The following SYT17 variants were observed in gnomAD, a reference collection of about 807,000 sequenced individuals.
SYT17 encodes synaptotagmin 17.
Under a neutral mutation model 46.7 loss-of-function variants are expected in SYT17, and 22 were observed. That is an observed-to-expected ratio of 0.47 (90% CI 0.34 to 0.67). The LOEUF (loss-of-function observed/expected upper bound fraction) is 0.67, where lower values mean the gene tolerates loss of function less well. SYT17 is among the 30% of genes least tolerant of loss of function. The pLI, the probability that SYT17 is intolerant of heterozygous loss-of-function variation, is 0.01. For synonymous variants in SYT17, 251 were observed against 248.4 expected (o/e 1.01, Z -0.10); for missense variants, 519 against 612.8 (o/e 0.85, Z 1.62).
chr16:19,224,369 A>G (rs1966426394), intron 6 of SYT17, among the ~76,000 whole-genome samples: 1 of 152,178 alleles, frequency 6.6e-6, no homozygotes, highest in Non-Finnish European at 1.5e-5. Context: ...GATGAATGGG[A>G]AAATGGATGG....
At chr16:19,258,809 C>A (rs764467157) in intron 7 of SYT17, among the ~76,000 whole-genome samples, 1 of 152,050 alleles carries the variant, frequency 6.6e-6, no homozygotes, top group African/African-American at 2.4e-5. Context: ...GGTGAGAAAC[C>A]CTGCTCTGGA....
chr16:19,214,607 C>T (rs777176825), intron 5 of SYT17, among the ~76,000 whole-genome samples: 1 of 152,084 alleles, frequency 6.6e-6, no homozygotes, highest in African/African-American at 2.4e-5. Context: ...ATTGTTAGAG[C>T]CGACATTTAT....
At chr16:19,256,437 AACACACACACACACACACACACACAC>A (rs57120408) in intron 7 of SYT17, among the ~76,000 whole-genome samples, 2 of 128,978 alleles carry the variant, frequency 1.6e-5, no homozygotes, top group African/African-American at 3.0e-5. Context: ...CCCCTCTTCA[AACACACACACACACACACACACACAC>A]ACACACACAC....
chr16:19,236,472 G>A (rs552363576), intron 7 of SYT17, among the ~76,000 whole-genome samples: 3 of 152,198 alleles, frequency 2.0e-5, no homozygotes, highest in Admixed American at 6.5e-5. Flanking sequence ...TCAGATACCA[G>A]CTGTAAGTTC....
intron 7 of SYT17, among the ~76,000 whole-genome samples, chr16:19,265,903 A>G (rs1326602556): frequency 6.6e-6 from 1 of 152,232 alleles, no homozygotes; most frequent in Admixed American, 6.5e-5. Flanking sequence ...TGCCGTAGCC[A>G]TTACTCTCAG....
intron 7 of SYT17, among the ~76,000 whole-genome samples, chr16:19,243,891 A>G (rs1967333946): frequency 6.6e-6 from 1 of 151,386 alleles, no homozygotes; most frequent in Admixed American, 6.6e-5. Context: ...CCCCAGCCTC[A>G]TTACAAGAAG....
At chr16:19,168,198 C>T, upstream of SYT17, 1 of 188,670 alleles carries the variant, frequency 5.3e-6, no homozygotes, top group Non-Finnish European at 1.1e-5. This position sits in a 1 kb window ranked among gnomAD's most constrained non-coding sequence, Gnocchi z 6.9. Flanking sequence ...ACCGCCCCCT[C>T]CCACCCCCTT....
chr16:19,192,310 A>G (rs1301436195), intron 5 of SYT17, among the ~76,000 whole-genome samples: 1 of 151,780 alleles, frequency 6.6e-6, no homozygotes, highest in Non-Finnish European at 1.5e-5. Context: ...AGTCCTGGCT[A>G]CTCGGGAAGC....
chr16:19,197,584 GA>G (rs1965303168), intron 5 of SYT17, among the ~76,000 whole-genome samples: 1 of 151,990 alleles, frequency 6.6e-6, no homozygotes, highest in Non-Finnish European at 1.5e-5. Context: ...GAGTAGCTGG[GA>G]CCACAGTCGT....
intron 7 of SYT17, among the ~76,000 whole-genome samples, chr16:19,263,052 G>A (rs75228874): frequency 2.0e-5 from 2 of 101,264 alleles, no homozygotes; most frequent in Non-Finnish European, 4.2e-5. Context: ...TTTTTTTTTT[G>A]TATTCCCTTT....
At chr16:19,196,386 G>T (rs1012245957) in intron 5 of SYT17, among the ~76,000 whole-genome samples, 4 of 151,826 alleles carry the variant, frequency 2.6e-5, no homozygotes, top group Non-Finnish European at 2.9e-5. Context: ...GGGATTACAG[G>T]CATGCACCAC....
chr16:19,233,978 G>T (rs1966795728), intron 7 of SYT17, among the ~76,000 whole-genome samples: 2 of 152,294 alleles, frequency 1.3e-5, no homozygotes, highest in African/African-American at 4.8e-5. Context: ...AGAGAAGGTT[G>T]CATGGCTATT....
At chr16:19,252,394 C>CAT (rs1168897557) in intron 7 of SYT17, among the ~76,000 whole-genome samples, 2 of 50,438 alleles carry the variant, frequency 4.0e-5, no homozygotes, top group Non-Finnish European at 6.0e-5. Flanking sequence ...TATATATATA[C>CAT]ATATATATAC....
At position 19,246,011 on chromosome 16, in the gene SYT17, TA is replaced by T. The variant is rs774907435; in HGVS notation, c.1229-20868del. Among the ~76,000 whole-genome samples the T allele has an allele frequency of 2.0e-4, 30 of 152,066 alleles. No homozygotes were observed. In the East Asian group the frequency reaches 3.3e-3, roughly 17 times the overall value. On this transcript the variant is annotated intron_variant, in intron 7 of 7. Coordinates refer to ENST00000355377, the MANE Select transcript of SYT17 (RefSeq NM_016524.4). ...TCCTATATTTTGTATATTATTTATT[TA>T]TTTTTTTTTTTGAGACAGAGTCTCA...
chr16:19,252,778 G>A (rs1968282370), intron 7 of SYT17, among the ~76,000 whole-genome samples: 2 of 151,476 alleles, frequency 1.3e-5, no homozygotes, highest in South Asian at 4.2e-4. Flanking sequence ...TTAAAAAGCT[G>A]GGATGGATGT....
intron 7 of SYT17, among the ~76,000 whole-genome samples, chr16:19,241,210 G>C (rs1383640249): frequency 1.3e-5 from 2 of 151,946 alleles, no homozygotes; most frequent in Non-Finnish European, 2.9e-5. Context: ...GCCTCCCAAA[G>C]TGCTGGGATT....
chr16:19,196,950 G>A (rs562076183), intron 5 of SYT17, among the ~76,000 whole-genome samples: 26 of 152,174 alleles, frequency 1.7e-4, no homozygotes, highest in East Asian at 1.5e-3. Context: ...AGTTACAAAC[G>A]CCCCCAGCCT....
chr16:19,226,101 C>G (rs1966487348), intron 7 of SYT17, among the ~76,000 whole-genome samples: 1 of 152,148 alleles, frequency 6.6e-6, no homozygotes, highest in Admixed American at 6.5e-5. Context: ...CTAACATTCA[C>G]CATAACCCAC....
At chr16:19,235,551 G>T (rs1966839982) in intron 7 of SYT17, among the ~76,000 whole-genome samples, 1 of 152,176 alleles carries the variant, frequency 6.6e-6, no homozygotes, top group Non-Finnish European at 1.5e-5. Flanking sequence ...GATTTACGAA[G>T]AATTAGCAAA....
Sources: gnomAD v4.1 joint callset for allele counts (sites outside exome capture counted in the v4.1 genomes callset) on GRCh38, gnomAD v4.1.1 for gene constraint, Gnocchi (gnomAD v3.1) non-coding constraint, MANE v1.5 for transcripts, NCBI Gene and HGNC (gene_info 2026-07-23, HGNC 2026-07-21) for gene names.